B3GAT2: variants seen among roughly 807,000 people sequenced by gnomAD.
B3GAT2 encodes the protein galactosylgalactosylxylosylprotein 3-beta-glucuronosyltransferase 2.
Under a neutral mutation model 27.8 loss-of-function variants are expected in B3GAT2, and 26 were observed. The observed-to-expected ratio is 0.93, with a 90% CI of 0.68 to 1.30. B3GAT2 has a LOEUF of 1.30. Among genes scored for constraint, B3GAT2 ranks in the 50% most tolerant of loss-of-function variants. The probability of loss-of-function intolerance (pLI) is 0.00; values close to 1 mark genes in which losing one functional copy is unlikely to be tolerated. For synonymous variants in B3GAT2, 218 were observed against 195.1 expected (o/e 1.12, Z -0.98); for missense variants, 458 against 459.0 (o/e 1.00, Z 0.02).
chr6:70,955,864 GTGT>G lies in B3GAT2; in HGVS notation c.563_565del (p.Asn188del), dbSNP rs760326264. On this transcript the variant is annotated inframe_deletion, in exon 1 of 4. Coordinates refer to ENST00000230053, the MANE Select transcript of B3GAT2 (RefSeq NM_080742.3). ...CTCCTGGAAGAGCTCCAGACTATAG[GTGT>G]TGTCGTCGTCAGCGAAGAAGAGCAC... 5.6e-6 allele frequency: 9 copies of G among 1,602,842 alleles called. No individual in the cohort carries two copies. The highest frequency in any genetic ancestry group is 2.7e-5 in the African/African-American group (2 of 73,926).
At chr6:70,865,393 C>G (rs1470177421) in intron 2 of B3GAT2, among the ~76,000 whole-genome samples, 1 of 152,180 alleles carries the variant, frequency 6.6e-6, no homozygotes. Flanking sequence ...GCTGGGATTA[C>G]AGGCGTGAGC....
chr6:70,884,830 G>A (rs1265022727), intron 2 of B3GAT2, among the ~76,000 whole-genome samples: 1 of 152,242 alleles, frequency 6.6e-6, no homozygotes, highest in Non-Finnish European at 1.5e-5. Flanking sequence ...CGGTTGGCCT[G>A]AGGGATTTAA....
chr6:70,930,938 T>C (rs1773051498), intron 1 of B3GAT2, among the ~76,000 whole-genome samples: 1 of 152,198 alleles, frequency 6.6e-6, no homozygotes, highest in South Asian at 2.1e-4. Flanking sequence ...CCAACCCAAA[T>C]GTCCATCAAT....
chr6:70,901,225 A>G (rs1052906657), intron 1 of B3GAT2, among the ~76,000 whole-genome samples: 7 of 152,202 alleles, frequency 4.6e-5, no homozygotes, highest in Admixed American at 1.3e-4. Context: ...TGATTTCACC[A>G]TCCATCTTGG....
intron 1 of B3GAT2, among the ~76,000 whole-genome samples, chr6:70,950,478 C>T (rs1294493396): frequency 6.6e-6 from 1 of 152,080 alleles, no homozygotes; most frequent in East Asian, 1.9e-4. Flanking sequence ...ATAATGATGA[C>T]ATATTTTCAT....
rs1424769298 is a variant in B3GAT2 at position 70,955,420 on chromosome 6, CCCACCCCTCCACCG to C, written c.591+405_591+418del. 2.7e-5 allele frequency among the ~76,000 whole-genome samples: 4 copies of C among 149,172 alleles called. No individual in the cohort carries two copies. In the East Asian group the frequency reaches 6.0e-4, roughly 23 times the overall value. The stretch of plus-strand genomic sequence containing the variant: ...ACCTAGCCTACCCGTCCCCACCACC[CCCACCCCTCCACCG>C]CCACCCGCTACGGTGCAGGTCCCTC... On this transcript the variant is annotated intron_variant, in intron 1 of 3. Coordinates refer to ENST00000230053, the MANE Select transcript of B3GAT2 (RefSeq NM_080742.3).
intron 2 of B3GAT2, among the ~76,000 whole-genome samples, chr6:70,872,283 G>C (rs1771949931): frequency 6.6e-6 from 1 of 151,770 alleles, no homozygotes; most frequent in East Asian, 1.9e-4. Context: ...TATTGAAAGT[G>C]GGATGTTGAT....
chr6:70,916,189 T>C (rs973007390), intron 1 of B3GAT2, among the ~76,000 whole-genome samples: 2 of 152,144 alleles, frequency 1.3e-5, no homozygotes, highest in Admixed American at 6.5e-5. Context: ...ACTCATGATT[T>C]GGCTCTCTGT....
chr6:70,935,181 C>A (rs939024042), intron 1 of B3GAT2, among the ~76,000 whole-genome samples: 20 of 151,736 alleles, frequency 1.3e-4, no homozygotes, highest in Admixed American at 7.9e-4. Context: ...TGTGGTGGCT[C>A]ACACCAGTAA....
intron 2 of B3GAT2, among the ~76,000 whole-genome samples, chr6:70,890,539 A>G (rs1772270426): frequency 6.6e-6 from 1 of 152,202 alleles, no homozygotes; most frequent in Admixed American, 6.5e-5. Context: ...ACTGATTACA[A>G]TGATAATTTG....
In B3GAT2 at chr6:70,937,704, G is replaced by A. The variant is rs1201514142; in HGVS notation, c.591+18135C>T. 8.8e-3 allele frequency among the ~76,000 whole-genome samples: 1,329 copies of A among 151,308 alleles called. 8 individuals carry two copies. The highest frequency in any genetic ancestry group is 0.016 in the Admixed American group (250 of 15,180). On this transcript the variant is annotated intron_variant, in intron 1 of 3. Coordinates refer to ENST00000230053, the MANE Select transcript of B3GAT2 (RefSeq NM_080742.3). The stretch of plus-strand genomic sequence containing the variant: ...AAGGCCTTTGACAAAATTCAACAAC[G>A]CTTCATGCTAAAAACTCTCAATAAA...
intron 1 of B3GAT2, among the ~76,000 whole-genome samples, chr6:70,917,752 G>C (rs1772798219): frequency 2.0e-5 from 3 of 152,192 alleles, no homozygotes. Context: ...TTGCATTGCG[G>C]TCTGAGAGAC....
At chr6:70,889,232 C>A (rs1468703046) in intron 2 of B3GAT2, among the ~76,000 whole-genome samples, 1 of 152,136 alleles carries the variant, frequency 6.6e-6, no homozygotes, top group South Asian at 2.1e-4. Flanking sequence ...CCCCTCATTT[C>A]CTCTCCTTTG....
At chr6:70,905,064 A>G (rs1206983381) in intron 1 of B3GAT2, among the ~76,000 whole-genome samples, 3 of 152,252 alleles carry the variant, frequency 2.0e-5, no homozygotes, top group African/African-American at 7.2e-5. Flanking sequence ...TGGGGAAACT[A>G]AACTGCCAAA....
intron 1 of B3GAT2, among the ~76,000 whole-genome samples, chr6:70,939,897 TAATAA>T (rs1026143245): frequency 1.2e-4 from 18 of 151,798 alleles, no homozygotes; most frequent in African/African-American, 3.9e-4. Context: ...AGTATAATAA[TAATAA>T]AATAATAAAA....
chr6:70,866,879 C>T (rs1204600985), intron 2 of B3GAT2, among the ~76,000 whole-genome samples: 34 of 152,176 alleles, frequency 2.2e-4, no homozygotes, highest in Non-Finnish European at 8.8e-5. Flanking sequence ...TTAAAGTACA[C>T]ATGGAACATT....
chr6:70,937,746 C>T (rs986153418), intron 1 of B3GAT2, among the ~76,000 whole-genome samples: 7 of 151,982 alleles, frequency 4.6e-5, no homozygotes, highest in Non-Finnish European at 1.0e-4. Context: ...ATTGATGGGA[C>T]GTATCTCAAA....
chr6:70,862,083 T>C (rs1045585725), intron 2 of B3GAT2, 105 bp from the exon 3 acceptor site: 3 of 1,042,340 alleles, frequency 2.9e-6, no homozygotes, highest in South Asian at 3.4e-5. Context: ...AAATACCTAC[T>C]GTGTGTCAGG....
At chr6:70,932,977 T>C (rs1455287882) in intron 1 of B3GAT2, among the ~76,000 whole-genome samples, 1 of 151,950 alleles carries the variant, frequency 6.6e-6, no homozygotes, top group Non-Finnish European at 1.5e-5. Flanking sequence ...ATTTAAAAAT[T>C]TTTGTAGAGT....
Sources: allele counts gnomAD v4.1 joint callset (sites outside exome capture counted in the v4.1 genomes callset), GRCh38; gene constraint gnomAD v4.1.1; transcripts MANE v1.5; gene names NCBI Gene and HGNC (gene_info 2026-07-23, HGNC 2026-07-21).